The following ADGRL3 variants were observed in gnomAD, a reference collection of about 807,000 sequenced individuals.
ADGRL3 encodes the protein adhesion G protein-coupled receptor L3.
A neutral mutation model predicts 153.5 loss-of-function variants in ADGRL3; 62 were observed. That is an observed-to-expected ratio of 0.40 (90% CI 0.33 to 0.50). ADGRL3 has a LOEUF of 0.50. ADGRL3 is among the 20% of genes least tolerant of loss of function. The pLI is 0.47. For synonymous variants in ADGRL3, 710 were observed against 672.5 expected, an observed-to-expected ratio of 1.06 and a Z score of -0.86; for missense variants, 1,641 against 1,859.4, an observed-to-expected ratio of 0.88 and a Z score of 2.16.
At chr4:61,707,851 C>T (rs925699819) in intron 6 of ADGRL3, among the ~76,000 whole-genome samples, 4 of 152,120 alleles carry the variant, frequency 2.6e-5, no homozygotes, top group Non-Finnish European at 5.9e-5. Context: ...TTGATACCTT[C>T]TGCAAGCATA....
At chr4:61,908,982 T>C (rs1162192252) in intron 11 of ADGRL3, among the ~76,000 whole-genome samples, 2 of 152,156 alleles carry the variant, frequency 1.3e-5, no homozygotes, top group Non-Finnish European at 2.9e-5. Flanking sequence ...AGCATGTAGT[T>C]TCAGAGAAGA....
At chr4:62,029,257 G>T (rs28578649) in intron 22 of ADGRL3, among the ~76,000 whole-genome samples, 1 of 151,476 alleles carries the variant, frequency 6.6e-6, no homozygotes, top group Non-Finnish European at 1.5e-5. Context: ...TAAAATTATT[G>T]TGTCATTTAC....
chr4:61,725,048 T>G (rs1300406884), intron 6 of ADGRL3, among the ~76,000 whole-genome samples: 1 of 152,188 alleles, frequency 6.6e-6, no homozygotes, highest in Non-Finnish European at 1.5e-5. Context: ...TTCTGTCCCT[T>G]TCTTTGAAAA....
Position 61,938,862 on chromosome 4 carries a change from CAAAAAAAAAA to C in ADGRL3, c.2419+2833_2419+2842del, listed in dbSNP as rs71213019. 7.0e-5 allele frequency among the ~76,000 whole-genome samples: 5 copies of C among 71,506 alleles called. No individual in the cohort carries two copies. The East Asian group carries it at 2.1e-3, about 30-fold the overall frequency. 46.9% of individuals were successfully genotyped at this position (71,506 alleles called of 152,430 possible). On this transcript the variant is annotated intron_variant, in intron 15 of 26. Transcript: ENST00000683033. ...TTAGATGTTAAATAACCCTCCTCCT[CAAAAAAAAAA>C]AAAAAAAAAAAAAAATTTTTTTTTT...
intron 1 of ADGRL3, among the ~76,000 whole-genome samples, chr4:61,225,563 A>T (rs1328367512): frequency 6.6e-6 from 1 of 152,162 alleles, no homozygotes; most frequent in Non-Finnish European, 1.5e-5. Context: ...GATATGTGAA[A>T]ATCAGTCCCA....
At chr4:61,961,206 A>G (rs1387751110) in intron 17 of ADGRL3, among the ~76,000 whole-genome samples, 1 of 152,076 alleles carries the variant, frequency 6.6e-6, no homozygotes, top group East Asian at 1.9e-4. Flanking sequence ...CTACCAAGAA[A>G]AAACACATCC....
chr4:61,839,770 C>T (rs1581085933), intron 9 of ADGRL3, among the ~76,000 whole-genome samples: 1 of 150,836 alleles, frequency 6.6e-6, no homozygotes, highest in African/African-American at 2.4e-5. Flanking sequence ...CCTGTCTCTG[C>T]CCACCCCTCC....
intron 1 of ADGRL3, among the ~76,000 whole-genome samples, chr4:61,367,139 G>C (rs536577577): frequency 4.6e-5 from 7 of 152,080 alleles, no homozygotes; most frequent in Non-Finnish European, 8.8e-5. Context: ...AAAAGCTGCT[G>C]TCTGTTAGGA....
At chr4:61,903,244 T>C (rs2098674837) in intron 11 of ADGRL3, among the ~76,000 whole-genome samples, 1 of 152,202 alleles carries the variant, frequency 6.6e-6, no homozygotes, top group Admixed American at 6.5e-5. Context: ...AGTATTCCGT[T>C]GTACCTTGTA....
chr4:61,398,546 TA>T (rs2096894051), intron 2 of ADGRL3, among the ~76,000 whole-genome samples: 1 of 151,782 alleles, frequency 6.6e-6, no homozygotes, highest in South Asian at 2.1e-4. Context: ...CTAGCAAACT[TA>T]ACCTGATGTA....
chr4:61,439,188 C>T (rs1261837893), intron 2 of ADGRL3, among the ~76,000 whole-genome samples: 1 of 152,110 alleles, frequency 6.6e-6, no homozygotes, highest in Non-Finnish European at 1.5e-5. Context: ...ATAAAAGAGG[C>T]TTCTCTGTAC....
chr4:61,989,202 G>T (rs1276782148), intron 19 of ADGRL3, among the ~76,000 whole-genome samples: 1 of 152,034 alleles, frequency 6.6e-6, no homozygotes, highest in Non-Finnish European at 1.5e-5. Flanking sequence ...GATGGTATAT[G>T]CAAGTTATAT....
At chr4:62,021,110 G>T (rs549480876) in intron 21 of ADGRL3, among the ~76,000 whole-genome samples, 6 of 151,442 alleles carry the variant, frequency 4.0e-5, no homozygotes, top group Non-Finnish European at 8.8e-5. Context: ...ATACAGAATC[G>T]TGTATTTTTT....
rs997820765 is a variant in ADGRL3, at chr4:61,878,992, AT to A, written c.1481-13657del. ...TATTGATGTAATATGTCCCTTTAAG[AT>A]TTTTTTGAAAAGATTGTTATATTCT... On this transcript the variant is annotated intron_variant, in intron 9 of 26. Transcript: ENST00000683033. Among the ~76,000 whole-genome samples the A allele has an allele frequency of 1.9e-4, 29 of 152,060 alleles. 1 individual carries two copies. The highest frequency in any genetic ancestry group is 6.8e-4 in the African/African-American group (28 of 41,412).
chr4:61,574,644 C>A (rs184165915), intron 4 of ADGRL3, among the ~76,000 whole-genome samples: 3 of 151,610 alleles, frequency 2.0e-5, no homozygotes, highest in African/African-American at 7.3e-5. Context: ...TTAAACTCAA[C>A]GAATCAATAT....
intron 9 of ADGRL3, among the ~76,000 whole-genome samples, chr4:61,829,323 G>A (rs576912810): frequency 1.3e-5 from 2 of 152,290 alleles, no homozygotes; most frequent in South Asian, 4.1e-4. Context: ...TGCTGTAAAT[G>A]TATTTCTCCT....
At position 61,456,431 on chromosome 4, in the gene ADGRL3, ATATATATAGATATATCTATATC is replaced by A. The variant is rs1261357595; in HGVS notation, c.-173-40681_-173-40660del. 4.2e-3 allele frequency among the ~76,000 whole-genome samples: 513 copies of A among 121,174 alleles called. 22 individuals carry two copies. In the East Asian group the frequency reaches 0.11, roughly 26 times the overall value. The allele number at this position is 121,174 out of a possible 152,430, so 79.5% of individuals were successfully genotyped here. A position where few individuals can be genotyped will look rare whatever the true frequency, so the allele number is the denominator to read the frequency against. ...TATATATATAGATATATCTATATCT[ATATATATAGATATATCTATATC>A]TATATATATAGATATATCTATATCT... On this transcript the variant is annotated intron_variant, in intron 2 of 26. Coordinates refer to ENST00000683033, the MANE Select transcript of ADGRL3 (RefSeq NM_001387552.1).
intron 2 of ADGRL3, among the ~76,000 whole-genome samples, chr4:61,430,735 C>T (rs1195133734): frequency 2.6e-5 from 4 of 152,016 alleles, no homozygotes; most frequent in African/African-American, 9.7e-5. Context: ...TCTCATTGCC[C>T]CTTATATAAT....
chr4:61,650,029 G>T (rs80285805), intron 5 of ADGRL3, among the ~76,000 whole-genome samples: 2,193 of 152,180 alleles, frequency 0.014, 21 homozygotes, highest in Non-Finnish European at 0.021. Flanking sequence ...GCAGTTTGTT[G>T]TCTGGCTGTT....
Sources: gnomAD v4.1 joint callset for allele counts (sites outside exome capture counted in the v4.1 genomes callset) on GRCh38, gnomAD v4.1.1 for gene constraint, MANE v1.5 for transcripts, NCBI Gene and HGNC (gene_info 2026-07-23, HGNC 2026-07-21) for gene names.